The following SLC25A37 variants were observed in gnomAD, a reference collection of about 807,000 sequenced individuals.
The protein encoded by SLC25A37 is mitoferrin-1.
SLC25A37 carries 17 observed loss-of-function variants against 31.0 expected under a neutral mutation model. The ratio of observed to expected loss-of-function variants is 0.55; its 90% CI spans 0.38 to 0.82. The LOEUF is 0.82. SLC25A37 is among the 40% of genes least tolerant of loss of function. The pLI, the probability that SLC25A37 is intolerant of heterozygous loss-of-function variation, is 0.00. For missense variants in SLC25A37, 404 were observed against 465.8 expected (o/e 0.87, Z 1.22); for synonymous variants, 222 against 193.0 (o/e 1.15, Z -1.24).
At chr8:23,535,304 C>T (rs574931842) in intron 1 of SLC25A37, among the ~76,000 whole-genome samples, 5 of 152,268 alleles carry the variant, frequency 3.3e-5, no homozygotes, top group South Asian at 2.1e-4. Context: ...GCATCCTTCA[C>T]GAGGGTCCTG....
chr8:23,537,580 C>T (rs908751030), intron 1 of SLC25A37, among the ~76,000 whole-genome samples: 3 of 152,174 alleles, frequency 2.0e-5, no homozygotes, highest in African/African-American at 7.2e-5. Context: ...GTTTTCTCAT[C>T]GGAAATAGAG....
intron 1 of SLC25A37, among the ~76,000 whole-genome samples, chr8:23,540,388 C>A (rs1801864855): frequency 6.6e-6 from 1 of 152,134 alleles, no homozygotes; most frequent in South Asian, 2.1e-4. Flanking sequence ...TGGGGCCCAG[C>A]TGCATTGTTG....
intron 3 of SLC25A37, among the ~76,000 whole-genome samples, chr8:23,569,402 TACACACAC>T (rs10608830): frequency 1.8e-4 from 27 of 150,140 alleles, no homozygotes; most frequent in Non-Finnish European, 2.8e-4. Flanking sequence ...TATGTGTGCA[TACACACAC>T]ACACACACAC....
chr8:23,554,128 T>C (rs541123770), intron 1 of SLC25A37, among the ~76,000 whole-genome samples: 45 of 152,370 alleles, frequency 3.0e-4, no homozygotes, highest in Middle Eastern at 3.4e-3. Context: ...TTCTGTACTT[T>C]GTGACCTTGA....
At chr8:23,548,936 C>T (rs1802148011) in intron 1 of SLC25A37, among the ~76,000 whole-genome samples, 1 of 152,216 alleles carries the variant, frequency 6.6e-6, no homozygotes, top group Non-Finnish European at 1.5e-5. Context: ...CTGTCCACAT[C>T]CCACCTGTCA....
At chr8:23,545,155 A>T (rs1239311518) in intron 1 of SLC25A37, among the ~76,000 whole-genome samples, 1 of 152,164 alleles carries the variant, frequency 6.6e-6, no homozygotes, top group African/African-American at 2.4e-5. Context: ...GGGCAAAGAG[A>T]GACTTGAGGA....
chr8:23,556,071 C>T (rs1269572898), intron 1 of SLC25A37, among the ~76,000 whole-genome samples: 1 of 139,978 alleles, frequency 7.1e-6, no homozygotes, highest in Non-Finnish European at 1.6e-5. Context: ...AAGCTTTTTT[C>T]AGAATGTATG....
intron 1 of SLC25A37, among the ~76,000 whole-genome samples, chr8:23,560,233 A>G (rs1287672895): frequency 6.6e-6 from 1 of 152,154 alleles, no homozygotes; most frequent in African/African-American, 2.4e-5. Context: ...GTGCCACTGC[A>G]CTCTAGCCTA....
intron 1 of SLC25A37, among the ~76,000 whole-genome samples, chr8:23,530,572 G>A (rs1801643763): frequency 6.6e-6 from 1 of 152,204 alleles, no homozygotes; most frequent in Non-Finnish European, 1.5e-5. Context: ...GTCCCAGTGG[G>A]GAGTTAGAGG....
intron 1 of SLC25A37, among the ~76,000 whole-genome samples, chr8:23,530,640 A>G (rs1218351399): frequency 6.6e-6 from 1 of 152,208 alleles, no homozygotes; most frequent in Non-Finnish European, 1.5e-5. Flanking sequence ...TTTGTATGGG[A>G]AAGAATCCCT....
At chr8:23,546,457 C>T (rs1377632721) in intron 1 of SLC25A37, among the ~76,000 whole-genome samples, 10 of 147,404 alleles carry the variant, frequency 6.8e-5, no homozygotes, top group Non-Finnish European at 1.5e-4. Flanking sequence ...TTTCTTGAAC[C>T]TTGGCTTCTC....
intron 1 of SLC25A37, among the ~76,000 whole-genome samples, chr8:23,559,337 T>TTGTGTGTGTG (rs746195333): frequency 3.0e-5 from 4 of 133,204 alleles, no homozygotes; most frequent in Admixed American, 7.7e-5. Context: ...CTGTCTCCGG[T>TTGTGTGTGTG]TGTGTGTGTG....
chr8:23,559,879 C>A (rs563075737), intron 1 of SLC25A37, among the ~76,000 whole-genome samples: 1 of 152,332 alleles, frequency 6.6e-6, no homozygotes, highest in Admixed American at 6.5e-5. Context: ...GGATATATTA[C>A]ATCGTGTTTA....
chr8:23,550,509 C>T (rs1802194702), intron 1 of SLC25A37, among the ~76,000 whole-genome samples: 1 of 152,250 alleles, frequency 6.6e-6, no homozygotes, highest in Admixed American at 6.5e-5. Flanking sequence ...GAAGGTGTGG[C>T]CTCCGCCAAG....
chr8:23,573,543 C>G lies in SLC25A37; in HGVS notation c.*1688C>G, dbSNP rs911191815. On this transcript the variant is annotated 3_prime_UTR_variant, in exon 4 of 4. Coordinates refer to ENST00000519973, the MANE Select transcript of SLC25A37 (RefSeq NM_016612.4). ...AGCGTGGTGCATCTTACCGAGGAGG[C>G]GCAGGCCTGGATTCTTTTGAGTGGT... 6 of 263,990 alleles carry G rather than the reference C, an allele frequency of 2.3e-5. No homozygotes were observed. The highest frequency in any genetic ancestry group is 1.3e-4 in the African/African-American group (6 of 45,316). The allele number at this position is 263,990 out of a possible 1,614,324, so 16.4% of individuals were successfully genotyped here. A position where few individuals can be genotyped will look rare whatever the true frequency, so the allele number is the denominator to read the frequency against.
intron 3 of SLC25A37, among the ~76,000 whole-genome samples, chr8:23,570,426 T>C (rs1802792567): frequency 6.7e-6 from 1 of 149,792 alleles, no homozygotes; most frequent in Admixed American, 6.7e-5. Context: ...TGGGGTGGGG[T>C]GGAGAGGAAA....
chr8:23,548,442 TGC>T (rs1031795452), intron 1 of SLC25A37, among the ~76,000 whole-genome samples: 2 of 150,970 alleles, frequency 1.3e-5, no homozygotes, highest in Admixed American at 1.3e-4. Context: ...CCTCCCAAAG[TGC>T]TGGGATTACA....
At chr8:23,559,372 CGT>C (rs796480377) in intron 1 of SLC25A37, among the ~76,000 whole-genome samples, 42 of 129,930 alleles carry the variant, frequency 3.2e-4, no homozygotes, top group East Asian at 4.7e-4. Flanking sequence ...TGCGCGCGCG[CGT>C]GTGTGTGTTT....
Position 23,568,381 on chromosome 8 carries a change from A to G in SLC25A37, c.496+3A>G, listed in dbSNP as rs1209459655. On this transcript the variant is annotated splice_donor_region_variant and intron_variant, in intron 3 of 3. Transcript: ENST00000519973. The stretch of plus-strand genomic sequence containing the variant: ...TGCGGTAATGAATCCAGCAGAAGGT[A>G]ATGTTTCATGGTCCCAGGGAGGGGC... 6.2e-7 allele frequency: 1 copy of G among 1,613,914 alleles called. No individual in the cohort carries two copies. Among genetic ancestry groups the G allele is most frequent in the South Asian group, 1.1e-5 (1 of 91,084 alleles).
Sources: gnomAD v4.1 joint callset for allele counts (sites outside exome capture counted in the v4.1 genomes callset) on GRCh38, gnomAD v4.1.1 for gene constraint, MANE v1.5 for transcripts, NCBI Gene and HGNC (gene_info 2026-07-23, HGNC 2026-07-21) for gene names.